ADRA1B: variants seen among roughly 807,000 people sequenced by gnomAD.
ADRA1B encodes alpha-1B adrenergic receptor.
Under a neutral mutation model 17.9 loss-of-function variants are expected in ADRA1B, and 17 were observed. The observed-to-expected ratio is 0.95, with a 90% CI of 0.65 to 1.42. The LOEUF is 1.42. Among genes scored for constraint, ADRA1B ranks in the 40% most tolerant of loss-of-function variants. The pLI, the probability that ADRA1B is intolerant of heterozygous loss-of-function variation, is 0.00. For missense variants in ADRA1B, 681 were observed against 722.1 expected, an observed-to-expected ratio of 0.94 and a Z score of 0.65; for synonymous variants, 366 against 327.6, an observed-to-expected ratio of 1.12 and a Z score of -1.27.
At chr5:159,975,458 C>T (rs931225203), downstream of ADRA1B, among the ~76,000 whole-genome samples, 20 of 152,158 alleles carry the variant, frequency 1.3e-4, no homozygotes, top group Admixed American at 9.8e-4. Flanking sequence ...AAGGATTCAA[C>T]GAGATCATTG....
At chr5:159,874,588 G>A (rs1753782994) in intron 1 of ADRA1B, among the ~76,000 whole-genome samples, 1 of 152,206 alleles carries the variant, frequency 6.6e-6, no homozygotes, top group Non-Finnish European at 1.5e-5. Context: ...ATGGCATGAA[G>A]TTCATTTTAG....
At chr5:159,936,014 A>G (rs1754945319) in intron 1 of ADRA1B, among the ~76,000 whole-genome samples, 2 of 152,212 alleles carry the variant, frequency 1.3e-5, no homozygotes, top group Admixed American at 6.5e-5. Context: ...CCATCTCTAA[A>G]ATAAACAAAT....
At chr5:159,907,181 G>A (rs1334218227) in intron 1 of ADRA1B, among the ~76,000 whole-genome samples, 2 of 152,214 alleles carry the variant, frequency 1.3e-5, no homozygotes, top group Non-Finnish European at 2.9e-5. Flanking sequence ...CCAATGCACA[G>A]CAAGTTCACT....
At chr5:159,979,632 C>T in the ADRA1B span, among the ~76,000 whole-genome samples, 19 of 152,022 alleles carry the variant, frequency 1.2e-4, no homozygotes, top group African/African-American at 4.3e-4. Flanking sequence ...ACTTTGGAGG[C>T]CGTGGAGGGC....
At chr5:159,988,196 T>C in the ADRA1B span, among the ~76,000 whole-genome samples, 1 of 152,186 alleles carries the variant, frequency 6.6e-6, no homozygotes, top group East Asian at 1.9e-4. Context: ...ACTTTGAAGA[T>C]GGGAGACTTT....
chr5:159,882,194 G>A (rs79620049), intron 1 of ADRA1B, among the ~76,000 whole-genome samples: 4,462 of 152,224 alleles, frequency 0.029, 81 homozygotes, highest in Middle Eastern at 0.071. Flanking sequence ...TAATAGACTC[G>A]TAGGCTAGAA....
intron 1 of ADRA1B, among the ~76,000 whole-genome samples, chr5:159,899,240 GAGGAAGGA>G (rs1296220766): frequency 6.6e-5 from 7 of 105,424 alleles, no homozygotes; most frequent in Non-Finnish European, 5.9e-5. Context: ...AGGAGGGAGG[GAGGAAGGA>G]AGGAAGGAAG....
intron 1 of ADRA1B, among the ~76,000 whole-genome samples, chr5:159,874,405 G>A (rs978677977): frequency 1.4e-4 from 21 of 152,168 alleles, no homozygotes; most frequent in Non-Finnish European, 3.1e-4. Flanking sequence ...AGCTGTGGGT[G>A]GCCTCCTTCA....
intron 1 of ADRA1B, among the ~76,000 whole-genome samples, chr5:159,889,194 G>A (rs1430938985): frequency 6.6e-6 from 1 of 152,142 alleles, no homozygotes; most frequent in East Asian, 1.9e-4. Flanking sequence ...CAGGACCTGT[G>A]ATGCACCTCA....
chr5:159,986,846 G>C, the ADRA1B span, among the ~76,000 whole-genome samples: 1 of 152,134 alleles, frequency 6.6e-6, no homozygotes, highest in Non-Finnish European at 1.5e-5. Context: ...GCCGGGTAAG[G>C]GCTAGGTTTT....
the ADRA1B span, among the ~76,000 whole-genome samples, chr5:159,978,242 C>G: frequency 6.6e-6 from 1 of 152,172 alleles, no homozygotes; most frequent in African/African-American, 2.4e-5. Context: ...CAGGTGTTCA[C>G]TAAATATTCT....
intron 1 of ADRA1B, among the ~76,000 whole-genome samples, chr5:159,945,702 G>A (rs1755249904): frequency 6.6e-6 from 1 of 151,754 alleles, no homozygotes; most frequent in Non-Finnish European, 1.5e-5. Flanking sequence ...GGGGGGTTTT[G>A]GAAAGGGAAA....
At chr5:159,987,089 CG>C in the ADRA1B span, among the ~76,000 whole-genome samples, 4 of 152,202 alleles carry the variant, frequency 2.6e-5, no homozygotes, top group Non-Finnish European at 4.4e-5. Context: ...CCCCCAGCGG[CG>C]GGGGAGCCGG....
At chr5:159,954,567 TC>T (rs1279487226) in intron 1 of ADRA1B, among the ~76,000 whole-genome samples, 4 of 152,152 alleles carry the variant, frequency 2.6e-5, no homozygotes, top group African/African-American at 9.7e-5. Flanking sequence ...AATCACTGCC[TC>T]TGTGTGGTGC....
the ADRA1B span, among the ~76,000 whole-genome samples, chr5:159,988,902 G>A: frequency 2.0e-5 from 3 of 152,198 alleles, no homozygotes; most frequent in Non-Finnish European, 4.4e-5. Context: ...ATTACTTGAG[G>A]CCATACATTG....
chr5:159,892,819 G>T (rs1561584101), intron 1 of ADRA1B, among the ~76,000 whole-genome samples: 2 of 152,174 alleles, frequency 1.3e-5, no homozygotes, highest in South Asian at 4.1e-4. Flanking sequence ...GTTTATAATA[G>T]AATGATTTCT....
upstream of ADRA1B, among the ~76,000 whole-genome samples, chr5:159,915,046 G>T (rs1454627122): frequency 1.3e-5 from 2 of 152,222 alleles, no homozygotes; most frequent in African/African-American, 2.4e-5. Flanking sequence ...CTGAGTAAAT[G>T]CATGGCTATC....
At chr5:159,875,796 G>A (rs78804517) in intron 1 of ADRA1B, among the ~76,000 whole-genome samples, 2,553 of 152,272 alleles carry the variant, frequency 0.017, 69 homozygotes, top group African/African-American at 0.059. Flanking sequence ...AGCAGGGAAA[G>A]GAGAAGAAAA....
chr5:159,914,020 T>C (rs1754253998), upstream of ADRA1B, among the ~76,000 whole-genome samples: 1 of 152,142 alleles, frequency 6.6e-6, no homozygotes, highest in Non-Finnish European at 1.5e-5. Flanking sequence ...TAATGATACA[T>C]TGGGAATGGT....
Sources: allele counts gnomAD v4.1 joint callset (sites outside exome capture counted in the v4.1 genomes callset), GRCh38; gene constraint gnomAD v4.1.1; transcripts MANE v1.5; gene names NCBI Gene and HGNC (gene_info 2026-07-23, HGNC 2026-07-21).